ATP5F1C: variants seen among roughly 807,000 people sequenced by gnomAD.
The protein encoded by ATP5F1C is ATP synthase F(1) complex subunit gamma, mitochondrial.
In ATP5F1C, 22 loss-of-function variants were observed where a neutral mutation model predicts 37.4. That is an observed-to-expected ratio of 0.59 (90% CI 0.42 to 0.84). The LOEUF (loss-of-function observed/expected upper bound fraction) is 0.84. Ranked by LOEUF, ATP5F1C falls within the 40% of genes least tolerant of loss-of-function variation. The pLI, the probability that ATP5F1C is intolerant of heterozygous loss-of-function variation, is 0.00. For missense variants in ATP5F1C, 286 were observed against 362.4 expected (o/e 0.79, Z 1.71); for synonymous variants, 121 against 128.0 (o/e 0.95, Z 0.37).
chr10:7,790,475 A>G (rs555715774), intron 1 of ATP5F1C, among the ~76,000 whole-genome samples: 1 of 152,326 alleles, frequency 6.6e-6, no homozygotes, highest in Admixed American at 6.5e-5. Context: ...CAAATTTGGG[A>G]AAAACATTTC....
At chr10:7,795,000 T>C (rs1301666809) in intron 1 of ATP5F1C, among the ~76,000 whole-genome samples, 1 of 152,196 alleles carries the variant, frequency 6.6e-6, no homozygotes, top group Admixed American at 6.5e-5. Context: ...GTCTTCTGTG[T>C]TCATCAAAAC....
intron 4 of ATP5F1C, 60 bp from the exon 5 acceptor site, chr10:7,799,712 T>G (rs975355334): frequency 9.4e-6 from 15 of 1,589,938 alleles, no homozygotes; most frequent in African/African-American, 5.4e-5. Context: ...GCCTGTCCCC[T>G]GTGCTCTTTC....
In ATP5F1C at chr10:7,799,863, C is replaced by T; in HGVS notation, c.520C>T (p.Leu174=). ...TGCGTCAGTCATTGCCCTTGAATTA[C>T]TAAATTCTGGATATGAATTTGATGA... is the stretch of plus-strand genomic sequence containing the variant. ...GDASVIALEL[L]NSGYEFDEGS... is the part of the protein sequence containing the mutation. The change falls in exon 5 of 10, where the codon CTA becomes TTA. Residue 174 remains leucine, a synonymous_variant. Coordinates refer to ENST00000356708, the MANE Select transcript of ATP5F1C (RefSeq NM_001001973.3). The T allele has an allele frequency of 6.2e-7, 1 of 1,614,188 alleles. No individual in the cohort carries two copies. Among genetic ancestry groups the T allele is most frequent in the South Asian group, 1.1e-5 (1 of 91,086 alleles).
At chr10:7,796,969 C>T (rs1244422) in intron 2 of ATP5F1C, 78 bp from the exon 3 acceptor site, 655,223 of 1,506,596 alleles carry the variant, frequency 0.43, 144,285 homozygotes, top group South Asian at 0.54. Flanking sequence ...CCTTGCACTT[C>T]AGAAAAATAT....
At chr10:7,798,801 G>A (rs987789536) in intron 3 of ATP5F1C, among the ~76,000 whole-genome samples, 189 bp from the exon 4 acceptor site, 3 of 152,216 alleles carry the variant, frequency 2.0e-5, no homozygotes, top group African/African-American at 7.2e-5. Context: ...AAAGTGCTGG[G>A]ATTACAGGCG....
At chr10:7,796,835 C>T (rs1043042728) in intron 2 of ATP5F1C, 10 of 389,332 alleles carry the variant, frequency 2.6e-5, no homozygotes, top group African/African-American at 1.9e-4. Flanking sequence ...CCGCCCACCT[C>T]AGCCTCCCAA....
chr10:7,797,184 G>A lies in ATP5F1C; in HGVS notation c.223+6G>A. ...ATATGGATTGGGATCTTTAGGTAAG[G>A]GAAGAGTGTAATTCACAAATTAGGA... On this transcript the variant is annotated splice_donor_region_variant and intron_variant, in intron 3 of 9. Transcript: ENST00000356708. 6.2e-7 allele frequency: 1 copy of A among 1,612,210 alleles called. No homozygotes were observed.
chr10:7,800,357 G>T (rs1438077700), intron 6 of ATP5F1C, among the ~76,000 whole-genome samples: 11 of 151,910 alleles, frequency 7.2e-5, no homozygotes, highest in Non-Finnish European at 1.6e-4. Context: ...CACCAAGCCT[G>T]GCTAATTTTT....
intron 1 of ATP5F1C, among the ~76,000 whole-genome samples, chr10:7,794,347 T>C (rs1836205010): frequency 6.6e-6 from 1 of 152,226 alleles, no homozygotes. Context: ...CCCTTCAAAT[T>C]TCTATGCCTC....
rs199960374 is a variant in ATP5F1C, at chr10:7,802,305, G to A, written c.673G>A (p.Val225Met). ...TATCTATGACGATATTGATGCTGAC[G>A]TGCTGCAAAATTACCAAGAATACAA... is the stretch of plus-strand genomic sequence containing the variant. ...MSIYDDIDADVLQNYQEYNLA... is the reference protein window; with the variant it reads ...MSIYDDIDADMLQNYQEYNLA... The change falls in exon 7 of 10, where the codon GTG becomes ATG. Residue 225 changes from valine to methionine, a missense_variant. Transcript: ENST00000356708. 2.2e-5 allele frequency: 36 copies of A among 1,613,656 alleles called. No homozygotes were observed. Among genetic ancestry groups the A allele is most frequent in the East Asian group, 1.8e-4 (8 of 44,876 alleles).
At chr10:7,790,179 A>C (rs1298456132) in intron 1 of ATP5F1C, among the ~76,000 whole-genome samples, 1 of 152,122 alleles carries the variant, frequency 6.6e-6, no homozygotes, top group Non-Finnish European at 1.5e-5. Context: ...GGAAGAAAAG[A>C]CCTTTGTCTT....
chr10:7,801,651 T>C (rs1836368108), intron 6 of ATP5F1C: 1 of 152,254 alleles, frequency 6.6e-6, no homozygotes, highest in African/African-American at 2.4e-5. Flanking sequence ...TGCAGTATCT[T>C]GGGGACAGGA....
chr10:7,796,047 T>C, intron 1 of ATP5F1C, 74 bp from the exon 2 acceptor site: 1 of 1,126,586 alleles, frequency 8.9e-7, no homozygotes, highest in Non-Finnish European at 1.3e-6. Flanking sequence ...AAATATATAT[T>C]AACTGAAAGT....
chr10:7,794,412 AG>A (rs1836205766), intron 1 of ATP5F1C, among the ~76,000 whole-genome samples: 1 of 151,928 alleles, frequency 6.6e-6, no homozygotes, highest in African/African-American at 2.4e-5. Context: ...ACTGAAGAAG[AG>A]TGATGAGTGG....
chr10:7,806,831 A>T lies in ATP5F1C; in HGVS notation c.891-143A>T, dbSNP rs1836491794. On this transcript the variant is annotated intron_variant, in intron 8 of 9. Transcript: ENST00000356708. The stretch of plus-strand genomic sequence containing the variant: ...GTCTGTTTCAAAGGAATCTTGTGGT[A>T]AGTATTTTTGCATGATGTACTCAAG... 7 of 608,830 alleles carry T rather than the reference A, an allele frequency of 1.1e-5. No homozygotes were observed. The Middle Eastern group carries it at 1.3e-3, about 112-fold the overall frequency. The allele number at this position is 608,830 out of a possible 1,614,324, so 37.7% of individuals were successfully genotyped here.
intron 3 of ATP5F1C, 75 bp from the exon 4 acceptor site, chr10:7,798,915 T>C: frequency 2.1e-6 from 3 of 1,399,944 alleles, no homozygotes; most frequent in Non-Finnish European, 3.0e-6. Flanking sequence ...AATAACCAAC[T>C]GCTTTGTAAA....
At chr10:7,807,559 G>A (rs1836507427) in intron 9 of ATP5F1C, 100 bp from the exon 10 acceptor site, 2 of 1,395,264 alleles carry the variant, frequency 1.4e-6, no homozygotes, top group Non-Finnish European at 2.0e-6. Flanking sequence ...TGTAAATTCA[G>A]TTCTCTGTAC....
chr10:7,789,140 G>C (rs1331806554), intron 1 of ATP5F1C, among the ~76,000 whole-genome samples: 2 of 152,110 alleles, frequency 1.3e-5, no homozygotes, highest in African/African-American at 4.8e-5. Flanking sequence ...TGGTTTGTGG[G>C]TGGTGCTGTT....
At chr10:7,807,056 A>G in intron 9 of ATP5F1C, 46 bp downstream of exon 9, 1 of 1,536,290 alleles carries the variant, frequency 6.5e-7, no homozygotes, top group East Asian at 2.3e-5. Context: ...AAAGAAACCT[A>G]TTCAGATATA....
Sources: allele counts gnomAD v4.1 joint callset (sites outside exome capture counted in the v4.1 genomes callset), GRCh38; gene constraint gnomAD v4.1.1; transcripts MANE v1.5; gene names NCBI Gene and HGNC (gene_info 2026-07-23, HGNC 2026-07-21).